Variants in YJU2B observed in about 807,000 individuals in gnomAD.
YJU2B encodes the protein YJU2 splicing factor homolog B, also known as probable splicing factor YJU2B.
YJU2B carries 18 observed loss-of-function variants against 38.0 expected under a neutral mutation model. The ratio of observed to expected loss-of-function variants is 0.47; its 90% CI spans 0.33 to 0.70. YJU2B has a LOEUF of 0.70. Ranked by LOEUF, YJU2B falls within the 30% of genes least tolerant of loss-of-function variation. The pLI is 0.02. For missense variants in YJU2B, 538 were observed against 556.3 expected (o/e 0.97, Z 0.33); for synonymous variants, 246 against 225.4 (o/e 1.09, Z -0.82).
Position 13,762,411 on chromosome 19 carries a change from C to T in YJU2B, c.686C>T (p.Ala229Val), listed in dbSNP as rs1973926679. Reference sequence around the variant, plus strand: ...ACGGAAGATGACCGCAAGCTGGCGGCTCTGCTGAAGTTCCACACCCTGGAC... The same window carrying T: ...ACGGAAGATGACCGCAAGCTGGCGGTTCTGCTGAAGTTCCACACCCTGGAC... ...PETEDDRKLAALLKFHTLDSY... is the reference protein window; with the variant it reads ...PETEDDRKLAVLLKFHTLDSY... The change falls in exon 9 of 10, where the codon GCT (alanine) becomes GTT (valine). Residue 229 changes from alanine (A) to valine (V), a missense_variant. By Grantham distance (64) the Ala-to-Val change is moderately conservative (BLOSUM62 0). Coordinates refer to ENST00000221554, the MANE Select transcript of YJU2B (RefSeq NM_030818.4). 1 of 1,613,282 alleles carries T rather than the reference C, an allele frequency of 6.2e-7. No individual in the cohort carries two copies. The highest frequency in any genetic ancestry group is 8.5e-7 in the Non-Finnish European group (1 of 1,180,010).
chr19:13,748,371 GA>G (rs1490276312), intron 1 of YJU2B, among the ~76,000 whole-genome samples: 2 of 152,066 alleles, frequency 1.3e-5, no homozygotes, highest in Non-Finnish European at 2.9e-5. Flanking sequence ...TACACATAAG[GA>G]AAATGAGGCT....
At chr19:13,744,760 G>A (rs1345367369), upstream of YJU2B, among the ~76,000 whole-genome samples, 3 of 152,122 alleles carry the variant, frequency 2.0e-5, no homozygotes, top group Non-Finnish European at 2.9e-5. Context: ...TTGGGAGGCC[G>A]AGACGGGCGG....
At chr19:13,757,560 C>T (rs1973715706) in intron 5 of YJU2B, 87 bp downstream of exon 5, 1 of 1,260,370 alleles carries the variant, frequency 7.9e-7, no homozygotes, top group African/African-American at 1.5e-5. Flanking sequence ...TGGGAGGGTC[C>T]TGATCAGGAA....
intron 4 of YJU2B, 108 bp downstream of exon 4, chr19:13,756,387 A>G (rs1973669758): frequency 8.6e-6 from 7 of 810,356 alleles, no homozygotes; most frequent in Admixed American, 2.0e-5. Flanking sequence ...TTCATTCCAT[A>G]AAGCAGAAAG....
intron 3 of YJU2B, among the ~76,000 whole-genome samples, chr19:13,754,930 T>C (rs1973606403): frequency 6.6e-6 from 1 of 152,076 alleles, no homozygotes; most frequent in Non-Finnish European, 1.5e-5. Context: ...AGGGCCCAAG[T>C]GTCCCAGCTG....
chr19:13,750,962 C>T (rs1268911094), intron 1 of YJU2B, among the ~76,000 whole-genome samples: 1 of 151,758 alleles, frequency 6.6e-6, no homozygotes, highest in Non-Finnish European at 1.5e-5. Context: ...GCCAGGAAGC[C>T]AGTGTGGCTG....
intron 1 of YJU2B, among the ~76,000 whole-genome samples, chr19:13,750,271 A>T (rs2145126592): frequency 6.6e-6 from 1 of 152,274 alleles, no homozygotes. Flanking sequence ...TTTGTAGCCT[A>T]GGCTGGGGTG....
intron 2 of YJU2B, among the ~76,000 whole-genome samples, chr19:13,752,906 C>CT (rs1239389024): frequency 2.0e-5 from 3 of 146,958 alleles, no homozygotes; most frequent in Non-Finnish European, 4.4e-5. Context: ...GAGCAAGACT[C>CT]TGTCTCAAAA....
chr19:13,740,195 C>T (rs1973055871), intron 2 of YJU2B, among the ~76,000 whole-genome samples: 1 of 152,128 alleles, frequency 6.6e-6, no homozygotes, highest in Non-Finnish European at 1.5e-5. Flanking sequence ...TCTCAGCAAA[C>T]TAACATAAGT....
chr19:13,762,960 G>A lies in YJU2B; in HGVS notation c.1083G>A (p.Leu361=), dbSNP rs752977270. The change falls in exon 10 of 10, where the codon CTG becomes CTA. Residue 361 remains leucine, a synonymous_variant. Coordinates refer to ENST00000221554, the MANE Select transcript of YJU2B (RefSeq NM_030818.4). ...GQEGSRQDKP[L]SPAGSSQEAA... is the part of the protein sequence containing the mutation. The stretch of plus-strand genomic sequence containing the variant: ...AAGGGAGCCGTCAGGACAAGCCCCT[G>A]TCGCCAGCAGGCTCCTCCCAGGAGG... 6.2e-6 allele frequency: 10 copies of A among 1,611,870 alleles called. No individual in the cohort carries two copies. The highest frequency in any genetic ancestry group is 8.5e-6 in the Non-Finnish European group (10 of 1,179,632).
intron 7 of YJU2B, 28 bp from the exon 8 acceptor site, chr19:13,759,072 A>C: frequency 6.2e-7 from 1 of 1,612,814 alleles, no homozygotes; most frequent in Non-Finnish European, 8.5e-7. Context: ...GGGGCCCCCA[A>C]AGCCCAGCCG....
intron 1 of YJU2B, among the ~76,000 whole-genome samples, chr19:13,750,751 A>C (rs1973428069): frequency 6.6e-6 from 1 of 150,892 alleles, no homozygotes; most frequent in African/African-American, 2.4e-5. Flanking sequence ...AATCCCAGCT[A>C]CTCAGGAGAC....
intron 8 of YJU2B, 48 bp from the exon 9 acceptor site, chr19:13,762,251 C>G (rs756872696): frequency 1.3e-6 from 2 of 1,597,392 alleles, no homozygotes; most frequent in African/African-American, 2.7e-5. Context: ...ACAGAAGAGA[C>G]AGGGCTTTGA....
chr19:13,745,672 T>TAGAC (rs1973212435), upstream of YJU2B, among the ~76,000 whole-genome samples: 2 of 95,008 alleles, frequency 2.1e-5, no homozygotes, highest in Non-Finnish European at 4.2e-5. Context: ...GATAGATAGA[T>TAGAC]AGATAGATAG....
At chr19:13,749,992 G>T (rs933727971) in intron 1 of YJU2B, among the ~76,000 whole-genome samples, 1 of 152,106 alleles carries the variant, frequency 6.6e-6, no homozygotes, top group African/African-American at 2.4e-5. Flanking sequence ...AGTTTGAGGA[G>T]CCCCTGCATT....
chr19:13,757,084 T>C (rs1973694345), intron 4 of YJU2B, among the ~76,000 whole-genome samples: 1 of 151,628 alleles, frequency 6.6e-6, no homozygotes, highest in African/African-American at 2.4e-5. Context: ...GAGGTTGCAG[T>C]GAGCCAGGAT....
intron 8 of YJU2B, among the ~76,000 whole-genome samples, chr19:13,760,093 ATTTGTG>A (rs952029179): frequency 9.9e-5 from 15 of 151,844 alleles, no homozygotes; most frequent in African/African-American, 3.1e-4. Context: ...CACCTGGCCA[ATTTGTG>A]TATTTTTAGT....
chr19:13,762,277 G>T (rs1222378765), intron 8 of YJU2B, 22 bp from the exon 9 acceptor site: 3 of 1,611,420 alleles, frequency 1.9e-6, no homozygotes, highest in Non-Finnish European at 2.5e-6. Flanking sequence ...CCTATCTCTG[G>T]TGTTCTTGGC....
At chr19:13,737,658 G>T (rs1456100401) in intron 2 of YJU2B, among the ~76,000 whole-genome samples, 4 of 114,962 alleles carry the variant, frequency 3.5e-5, no homozygotes, top group African/African-American at 1.4e-4. Flanking sequence ...GGCGGCGAGC[G>T]CCTGTAATCC....
Sources: gnomAD v4.1 joint callset for allele counts (sites outside exome capture counted in the v4.1 genomes callset) on GRCh38, gnomAD v4.1.1 for gene constraint, MANE v1.5 for transcripts, NCBI Gene and HGNC (gene_info 2026-07-23, HGNC 2026-07-21) for gene names.